Variants in CAST observed in about 807,000 individuals in gnomAD.
CAST encodes calpastatin.
Under a neutral mutation model 119.6 loss-of-function variants are expected in CAST, and 76 were observed. That is an observed-to-expected ratio of 0.64 (90% CI 0.53 to 0.77). The LOEUF is 0.77. Ranked by LOEUF, CAST falls within the 30% of genes least tolerant of loss-of-function variation. The pLI is 0.00. For missense variants in CAST, 953 were observed against 946.5 expected, an observed-to-expected ratio of 1.01 and a Z score of -0.09; for synonymous variants, 319 against 331.6, an observed-to-expected ratio of 0.96 and a Z score of 0.41.
At chr5:96,663,205 G>A (rs1244184276) in intron 1 of CAST, 1 of 702,696 alleles carries the variant, frequency 1.4e-6, no homozygotes, top group Admixed American at 2.0e-5. Flanking sequence ...GACCCGGAAG[G>A]GAGTGTGTTG....
chr5:96,546,337 G>T (rs887942532), intron 1 of CAST: 1 of 152,052 alleles, frequency 6.6e-6, no homozygotes, highest in Non-Finnish European at 1.5e-5. Flanking sequence ...TTACTTATTG[G>T]CTCTGCCCAA....
At chr5:96,706,094 A>C (rs1754908735) in intron 3 of CAST, among the ~76,000 whole-genome samples, 1 of 152,236 alleles carries the variant, frequency 6.6e-6, no homozygotes, top group Non-Finnish European at 1.5e-5. Context: ...TTGGATTGGA[A>C]AAAAGATTAG....
At chr5:96,594,094 A>G (rs1292750290) in intron 1 of CAST, among the ~76,000 whole-genome samples, 1 of 152,250 alleles carries the variant, frequency 6.6e-6, no homozygotes, top group Non-Finnish European at 1.5e-5. Context: ...CTACTGAGGA[A>G]GCAGTGGCAC....
At chr5:96,737,050 TGAG>T (rs1761808416) in intron 10 of CAST, among the ~76,000 whole-genome samples, 1 of 152,148 alleles carries the variant, frequency 6.6e-6, no homozygotes, top group South Asian at 2.1e-4. Context: ...TCCAATCTCA[TGAG>T]AACTCACTCA....
chr5:96,558,110 G>T (rs1746280961), intron 1 of CAST, among the ~76,000 whole-genome samples: 1 of 152,124 alleles, frequency 6.6e-6, no homozygotes, highest in African/African-American at 2.4e-5. Flanking sequence ...TGACTACTGG[G>T]TACATAACGA....
chr5:96,199,480 G>A, the CAST span, among the ~76,000 whole-genome samples: 1 of 152,076 alleles, frequency 6.6e-6, no homozygotes, highest in Non-Finnish European at 1.5e-5. Flanking sequence ...GGAAGTTGTA[G>A]GTTTACATAG....
At chr5:96,399,858 A>G in the CAST span, 1 of 926,940 alleles carries the variant, frequency 1.1e-6, no homozygotes, top group Non-Finnish European at 1.7e-6. Flanking sequence ...TCTACTTCAG[A>G]AGGGTAGATA....
At chr5:95,981,634 G>T in the CAST span, among the ~76,000 whole-genome samples, 2 of 152,150 alleles carry the variant, frequency 1.3e-5, no homozygotes, top group African/African-American at 4.8e-5. Flanking sequence ...CCAGCACTTT[G>T]GCAGGCCGAG....
intron 3 of CAST, among the ~76,000 whole-genome samples, chr5:96,717,285 G>A (rs1746579285): frequency 6.6e-6 from 1 of 152,194 alleles, no homozygotes; most frequent in South Asian, 2.1e-4. Flanking sequence ...CAAGAGTTGA[G>A]AAGATAATAA....
upstream of CAST, among the ~76,000 whole-genome samples, chr5:96,661,257 T>TA (rs59810319): frequency 0.24 from 16,360 of 67,894 alleles, 2,264 homozygotes; most frequent in East Asian, 0.37. Context: ...TCTCTACCAT[T>TA]AAAAAAAAAA....
At chr5:96,763,436 A>G (rs919718276) in intron 25 of CAST, among the ~76,000 whole-genome samples, 15 of 152,228 alleles carry the variant, frequency 9.9e-5, no homozygotes, top group African/African-American at 3.6e-4. Context: ...AAGAATCATT[A>G]ATAGCCTAGG....
At chr5:96,173,893 C>T in the CAST span, among the ~76,000 whole-genome samples, 1 of 151,990 alleles carries the variant, frequency 6.6e-6, no homozygotes, top group African/African-American at 2.4e-5. Context: ...TGGCGCCCGC[C>T]ACCACGCCCG....
rs1773604838 is a variant in CAST at position 96,774,479 on chromosome 5, T to G, written c.*1863T>G. On this transcript the variant is annotated 3_prime_UTR_variant, in exon 32 of 32. Transcript: ENST00000675179. ...AGGAGAGAGAAAATAATTGCAAATA[T>G]CCACTTAGAGGCAAAGAACAATTTT... 1 of 983,722 alleles carries G rather than the reference T, an allele frequency of 1.0e-6. No homozygotes were observed. The highest frequency in any genetic ancestry group is 1.7e-5 in the African/African-American group (1 of 57,200). The allele number at this position is 983,722 out of a possible 1,614,324, so 60.9% of individuals were successfully genotyped here.
chr5:96,113,866 T>C, the CAST span, among the ~76,000 whole-genome samples: 1 of 152,212 alleles, frequency 6.6e-6, no homozygotes, highest in Non-Finnish European at 1.5e-5. Context: ...CGTTATGTTA[T>C]TTAAAAGAGT....
At chr5:96,090,936 G>A in the CAST span, among the ~76,000 whole-genome samples, 1 of 152,032 alleles carries the variant, frequency 6.6e-6, no homozygotes, top group East Asian at 1.9e-4. Flanking sequence ...GAGCTCTAGT[G>A]AGAGACCAGA....
chr5:96,258,145 C>T, the CAST span, among the ~76,000 whole-genome samples: 1 of 152,084 alleles, frequency 6.6e-6, no homozygotes, highest in Non-Finnish European at 1.5e-5. Context: ...AACTTTCATG[C>T]ACTCTTGAAG....
chr5:96,567,898 T>C (rs1422541971), intron 1 of CAST, among the ~76,000 whole-genome samples: 1 of 152,130 alleles, frequency 6.6e-6, no homozygotes, highest in African/African-American at 2.4e-5. Context: ...CCCTCATGAT[T>C]TTGGCCTTTT....
the CAST span, among the ~76,000 whole-genome samples, chr5:96,129,484 C>A: frequency 6.6e-6 from 1 of 152,158 alleles, no homozygotes; most frequent in Non-Finnish European, 1.5e-5. Context: ...GATGCTGCAC[C>A]AGGTAAATGA....
At chr5:96,064,914 C>T in the CAST span, among the ~76,000 whole-genome samples, 1 of 152,118 alleles carries the variant, frequency 6.6e-6, no homozygotes, top group Admixed American at 6.6e-5. Flanking sequence ...CAGAAGACTT[C>T]ACAAAAAAGC....
Sources: gnomAD v4.1 joint callset for allele counts (sites outside exome capture counted in the v4.1 genomes callset) on GRCh38, gnomAD v4.1.1 for gene constraint, MANE v1.5 for transcripts, NCBI Gene and HGNC (gene_info 2026-07-23, HGNC 2026-07-21) for gene names.